Variants in DRD2 observed in about 807,000 individuals in gnomAD.
DRD2 encodes dopamine receptor D2.
In DRD2, 8 loss-of-function variants were observed where a neutral mutation model predicts 38.0. The observed-to-expected ratio is 0.21, with a 90% CI of 0.12 to 0.38. DRD2 has a LOEUF of 0.38. DRD2 is among the 10% of genes least tolerant of loss of function. The pLI, the probability that DRD2 is intolerant of heterozygous loss-of-function variation, is 1.00. For synonymous variants in DRD2, 230 were observed against 238.6 expected, an observed-to-expected ratio of 0.96 and a Z score of 0.33; for missense variants, 403 against 607.7, an observed-to-expected ratio of 0.66 and a Z score of 3.54.
rs1565683695 is a variant in DRD2, at chr11:113,475,304, G to GGGGCGGGGCC, written c.-270_-261dup. 2 of 147,840 alleles carry GGGGCGGGGCC rather than the reference G, an allele frequency of 1.4e-5. No individual in the cohort carries two copies. The highest frequency in any genetic ancestry group is 4.9e-5 in the African/African-American group (2 of 40,930). 9.2% of individuals were successfully genotyped at this position (147,840 alleles called of 1,614,324 possible). On this transcript the variant is annotated 5_prime_UTR_variant, in exon 1 of 8. Transcript: ENST00000362072. ...TGGACGGGCCGCGGCGGGGCGGGGC[G>GGGGCGGGGCC]GGGCGGGGCCGGGCGCGGGGCGGGC...
intron 1 of DRD2, among the ~76,000 whole-genome samples, chr11:113,457,013 TC>T (rs1951274138): frequency 6.6e-6 from 1 of 152,060 alleles, no homozygotes; most frequent in Non-Finnish European, 1.5e-5. Context: ...ACCGTGGGCC[TC>T]CATGTGCAGC....
chr11:113,447,274 G>A (rs1470482074), intron 1 of DRD2, among the ~76,000 whole-genome samples: 5 of 152,144 alleles, frequency 3.3e-5, no homozygotes, highest in African/African-American at 4.8e-5. Context: ...CTCAGGCTCC[G>A]TGATGTTGTT....
chr11:113,433,730 C>T (rs1951010626), intron 1 of DRD2, among the ~76,000 whole-genome samples: 1 of 152,176 alleles, frequency 6.6e-6, no homozygotes, highest in South Asian at 2.1e-4. Flanking sequence ...TGGCCCTATG[C>T]AGCTGGAGCC....
At chr11:113,420,748 A>T (rs372934739) in intron 2 of DRD2, among the ~76,000 whole-genome samples, 1 of 152,212 alleles carries the variant, frequency 6.6e-6, no homozygotes, top group East Asian at 1.9e-4. Flanking sequence ...TGAAATGTGA[A>T]AAGGAAAGAT....
At chr11:113,436,513 T>G (rs1951039027) in intron 1 of DRD2, among the ~76,000 whole-genome samples, 2 of 152,336 alleles carry the variant, frequency 1.3e-5, no homozygotes, top group South Asian at 4.1e-4. Context: ...TTATTGATAT[T>G]ATGGCATTCT....
intron 1 of DRD2, among the ~76,000 whole-genome samples, chr11:113,436,059 T>C (rs538852335): frequency 6.6e-6 from 1 of 152,334 alleles, no homozygotes; most frequent in South Asian, 2.1e-4. Context: ...TCCCCACGTT[T>C]CTCATCCTTC....
chr11:113,459,458 C>T (rs1240265500), intron 1 of DRD2, among the ~76,000 whole-genome samples: 6 of 152,174 alleles, frequency 3.9e-5, no homozygotes, highest in Admixed American at 3.9e-4. Flanking sequence ...GAAAAGTTAA[C>T]TATACCTAAG....
Position 113,421,269 on chromosome 11 carries a change from C to A in DRD2, c.285+3098G>T, listed in dbSNP as rs557034668. On this transcript the variant is annotated intron_variant, in intron 2 of 7. Transcript: ENST00000362072. ...TGCCCCACACCTCCTATGGGGACTGCTCCACTGTCACCGGCAGCAGACTGC... is the reference window on the plus strand; with the variant it reads ...TGCCCCACACCTCCTATGGGGACTGATCCACTGTCACCGGCAGCAGACTGC... Among the ~76,000 whole-genome samples the A allele has an allele frequency of 3.3e-5, 5 of 152,274 alleles. No individual in the cohort carries two copies. The South Asian group carries it at 1.0e-3, about 32-fold the overall frequency.
intron 1 of DRD2, among the ~76,000 whole-genome samples, chr11:113,452,784 A>G (rs534999891): frequency 2.6e-5 from 4 of 151,482 alleles, no homozygotes; most frequent in Non-Finnish European, 5.9e-5. Flanking sequence ...AGTAGCTGGG[A>G]TCACAGGTTT....
intron 1 of DRD2, among the ~76,000 whole-genome samples, chr11:113,441,405 C>T (rs1027912800): frequency 6.6e-6 from 1 of 152,200 alleles, no homozygotes; most frequent in African/African-American, 2.4e-5. Flanking sequence ...AGCCTATGGA[C>T]CACATTTAGC....
At chr11:113,456,366 T>A (rs766650252) in intron 1 of DRD2, among the ~76,000 whole-genome samples, 2 of 152,186 alleles carry the variant, frequency 1.3e-5, no homozygotes, top group Admixed American at 1.3e-4. Flanking sequence ...TGACTATAGT[T>A]AGTAATGACA....
At chr11:113,470,476 T>A (rs576343651) in intron 1 of DRD2, among the ~76,000 whole-genome samples, 21 of 152,292 alleles carry the variant, frequency 1.4e-4, no homozygotes, top group African/African-American at 4.3e-4. Context: ...CTTACCGCCC[T>A]CTGTCTGGAA....
At chr11:113,431,966 G>A (rs1426465643) in intron 1 of DRD2, among the ~76,000 whole-genome samples, 1 of 152,224 alleles carries the variant, frequency 6.6e-6, no homozygotes, top group East Asian at 1.9e-4. Context: ...GAGTAGAGGA[G>A]GGGACAGGGA....
chr11:113,426,563 A>G (rs1228176798), intron 1 of DRD2, among the ~76,000 whole-genome samples: 2 of 152,180 alleles, frequency 1.3e-5, no homozygotes, highest in Non-Finnish European at 2.9e-5. Flanking sequence ...TGTCCAATCA[A>G]TGAACAGGGC....
intron 1 of DRD2, among the ~76,000 whole-genome samples, chr11:113,444,488 T>A (rs1190756982): frequency 6.6e-6 from 1 of 152,238 alleles, no homozygotes; most frequent in Non-Finnish European, 1.5e-5. Context: ...CAATCCACCA[T>A]ACTGAATATG....
At chr11:113,428,879 G>T (rs1401397231) in intron 1 of DRD2, among the ~76,000 whole-genome samples, 1 of 152,244 alleles carries the variant, frequency 6.6e-6, no homozygotes, top group East Asian at 1.9e-4. Context: ...CTCCTGCCTT[G>T]GCCTCCCAAA....
At chr11:113,473,542 A>G (rs1028471980) in intron 1 of DRD2, among the ~76,000 whole-genome samples, 1 of 152,188 alleles carries the variant, frequency 6.6e-6, no homozygotes, top group Admixed American at 6.5e-5. Flanking sequence ...AAGGAACTCA[A>G]TGATCTTTAA....
rs1950762150 is a variant in DRD2, at chr11:113,410,811, A to G, written c.1248T>C (p.Tyr416=). 6.2e-7 allele frequency: 1 copy of G among 1,614,198 alleles called. No individual in the cohort carries two copies. Among genetic ancestry groups the G allele is most frequent in the Non-Finnish European group, 8.5e-7 (1 of 1,180,024 alleles). ...TGATGGGGTTCACGGCGCTGTTGACATAGCCCAGCCACGTGAAGGCGCTGT... is the reference window on the plus strand; with the variant it reads ...TGATGGGGTTCACGGCGCTGTTGACGTAGCCCAGCCACGTGAAGGCGCTGT... ...VLYSAFTWLG[Y]VNSAVNPIIY... Residue 416 remains tyrosine (Y), a synonymous_variant, in exon 8 of 8, where the codon TAT becomes TAC. Coordinates refer to ENST00000362072, the MANE Select transcript of DRD2 (RefSeq NM_000795.4).
At chr11:113,472,720 C>A (rs995636950) in intron 1 of DRD2, among the ~76,000 whole-genome samples, 1 of 152,204 alleles carries the variant, frequency 6.6e-6, no homozygotes, top group African/African-American at 2.4e-5. Flanking sequence ...CTTGGCATTT[C>A]AGGAGCACTT....
Sources: gnomAD v4.1 joint callset for allele counts (sites outside exome capture counted in the v4.1 genomes callset) on GRCh38, gnomAD v4.1.1 for gene constraint, MANE v1.5 for transcripts, NCBI Gene and HGNC (gene_info 2026-07-23, HGNC 2026-07-21) for gene names.